The following LINGO2 variants were observed in gnomAD, a reference collection of about 807,000 sequenced individuals.
LINGO2 encodes leucine-rich repeat and immunoglobulin-like domain-containing nogo receptor-interacting protein 2.
In LINGO2, 14 loss-of-function variants were observed where a neutral mutation model predicts 30.6. The ratio of observed to expected loss-of-function variants is 0.46; its 90% CI spans 0.30 to 0.72. The LOEUF is 0.72. Among genes scored for constraint, LINGO2 ranks in the 30% least tolerant of loss-of-function variants. The pLI is 0.07. For missense variants in LINGO2, 729 were observed against 751.7 expected, an observed-to-expected ratio of 0.97 and a Z score of 0.35; for synonymous variants, 317 against 288.5, an observed-to-expected ratio of 1.10 and a Z score of -1.00.
intron 2 of LINGO2, among the ~76,000 whole-genome samples, chr9:28,410,302 T>C (rs572033396): frequency 2.0e-5 from 3 of 152,224 alleles, no homozygotes; most frequent in Admixed American, 2.0e-4. Context: ...AGTTAGGATT[T>C]ACATGAACTA....
the LINGO2 span, among the ~76,000 whole-genome samples, chr9:28,999,287 T>C: frequency 2.0e-5 from 3 of 152,086 alleles, no homozygotes; most frequent in African/African-American, 7.2e-5. Context: ...ATTCTATTTG[T>C]CTAGCTCTGT....
chr9:28,896,841 A>G, the LINGO2 span, among the ~76,000 whole-genome samples: 5 of 152,144 alleles, frequency 3.3e-5, no homozygotes, highest in Admixed American at 1.3e-4. Context: ...TACTTTTTAC[A>G]TATCATCTAT....
chr9:28,819,791 T>C, the LINGO2 span, among the ~76,000 whole-genome samples: 1 of 152,176 alleles, frequency 6.6e-6, no homozygotes, highest in African/African-American at 2.4e-5. Flanking sequence ...CACAGTTTCC[T>C]TGTGAGTTTA....
At chr9:29,064,690 C>T in the LINGO2 span, among the ~76,000 whole-genome samples, 1 of 151,864 alleles carries the variant, frequency 6.6e-6, no homozygotes, top group Non-Finnish European at 1.5e-5. Flanking sequence ...TGATATTATG[C>T]TTTTTAGTGA....
At chr9:28,408,101 G>C (rs1483545668) in intron 2 of LINGO2, among the ~76,000 whole-genome samples, 1 of 152,096 alleles carries the variant, frequency 6.6e-6, no homozygotes, top group African/African-American at 2.4e-5. Context: ...AAGGGAGGAG[G>C]CAGTGCTGAG....
intron 4 of LINGO2, among the ~76,000 whole-genome samples, chr9:28,077,318 T>C (rs1825654005): frequency 6.6e-6 from 1 of 152,198 alleles, no homozygotes; most frequent in African/African-American, 2.4e-5. Context: ...TGATGAATTA[T>C]TTCCCAGAAA....
chr9:28,058,024 G>C (rs1825013865), intron 4 of LINGO2, among the ~76,000 whole-genome samples: 1 of 152,048 alleles, frequency 6.6e-6, no homozygotes, highest in South Asian at 2.1e-4. Context: ...ACCATGATTT[G>C]ATAATTTTTA....
the LINGO2 span, among the ~76,000 whole-genome samples, chr9:29,003,246 G>C: frequency 1.3e-5 from 2 of 152,006 alleles, no homozygotes; most frequent in Non-Finnish European, 2.9e-5. Context: ...CGAGTTTGTG[G>C]TACTTTGTTA....
At chr9:28,847,842 A>G in the LINGO2 span, among the ~76,000 whole-genome samples, 2 of 115,632 alleles carry the variant, frequency 1.7e-5, no homozygotes, top group African/African-American at 7.0e-5. Context: ...TAGTATATAT[A>G]CACATATATG....
chr9:28,575,598 C>T (rs921700764), intron 1 of LINGO2, among the ~76,000 whole-genome samples: 5 of 151,822 alleles, frequency 3.3e-5, no homozygotes, highest in Admixed American at 6.6e-5. Context: ...ATACTATGCC[C>T]GCTACCTGGG....
intron 1 of LINGO2, among the ~76,000 whole-genome samples, chr9:28,601,787 T>C (rs1825487307): frequency 6.6e-6 from 1 of 152,092 alleles, no homozygotes; most frequent in Non-Finnish European, 1.5e-5. Context: ...ATTCTAACTT[T>C]ATGCAAAAGC....
At chr9:28,863,712 T>C in the LINGO2 span, 1 of 524,104 alleles carries the variant, frequency 1.9e-6, no homozygotes, top group Non-Finnish European at 4.0e-6. Context: ...CTTCACAGTT[T>C]GTGTAAAGCC....
chr9:28,604,103 TTAA>T (rs769494696), intron 1 of LINGO2, among the ~76,000 whole-genome samples: 6 of 152,030 alleles, frequency 3.9e-5, no homozygotes, highest in Non-Finnish European at 5.9e-5. Flanking sequence ...TATATATGCC[TTAA>T]TTCCAGGTGG....
chr9:28,448,025 T>C (rs929627304), intron 2 of LINGO2, among the ~76,000 whole-genome samples: 31 of 152,214 alleles, frequency 2.0e-4, no homozygotes, highest in African/African-American at 7.2e-4. Flanking sequence ...CACTCAGTTT[T>C]ATCAATGAAT....
At position 28,556,079 on chromosome 9, in the gene LINGO2, T is replaced by C. The variant is rs1405414918; in HGVS notation, c.-364-80054A>G. 4.0e-5 allele frequency among the ~76,000 whole-genome samples: 6 copies of C among 151,820 alleles called. No homozygotes were observed. The East Asian group carries it at 7.8e-4, about 20-fold the overall frequency. On this transcript the variant is annotated intron_variant, in intron 1 of 5. Coordinates refer to ENST00000379992, the Ensembl canonical transcript of LINGO2. ...AAACTGGAAGCATTCCCTCTGAAAA[T>C]GGGCACAAGACAGGGATGCCCTCTC...
At position 28,071,291 on chromosome 9, in the gene LINGO2, C is replaced by A. The variant is rs998136226; in HGVS notation, c.-86-58886G>T. On this transcript the variant is annotated intron_variant, in intron 4 of 5. Coordinates refer to ENST00000379992, the Ensembl canonical transcript of LINGO2. ...CAACTATTGCCAATCAAGTTTGCAG[C>A]CATAGTCACTACACTCATGTAACAC... Among the ~76,000 whole-genome samples, 18 of 152,170 alleles carry A rather than the reference C, an allele frequency of 1.2e-4. No homozygotes were observed. In the East Asian group the frequency reaches 3.3e-3, roughly 28 times the overall value.
chr9:27,961,607 C>G (rs555395393), intron 5 of LINGO2, among the ~76,000 whole-genome samples: 1 of 152,114 alleles, frequency 6.6e-6, no homozygotes, highest in Non-Finnish European at 1.5e-5. Flanking sequence ...AGAGCAATGG[C>G]AAGCCATTAA....
intron 4 of LINGO2, among the ~76,000 whole-genome samples, chr9:28,258,801 C>G (rs1822466537): frequency 6.6e-6 from 1 of 150,792 alleles, no homozygotes; most frequent in Non-Finnish European, 1.5e-5. Context: ...TATACCATAC[C>G]AAAGTTTATA....
chr9:28,709,194 G>A, the LINGO2 span, among the ~76,000 whole-genome samples: 2 of 151,824 alleles, frequency 1.3e-5, no homozygotes, highest in African/African-American at 4.8e-5. Flanking sequence ...CTACTAACAT[G>A]CCCTATCTCT....
Sources: gnomAD v4.1 joint callset for allele counts (sites outside exome capture counted in the v4.1 genomes callset) on GRCh38, gnomAD v4.1.1 for gene constraint, MANE v1.5 for transcripts, NCBI Gene and HGNC (gene_info 2026-07-23, HGNC 2026-07-21) for gene names.